Variants in KDM2A observed in about 807,000 individuals in gnomAD.
KDM2A encodes the protein lysine-specific demethylase 2A.
Under a neutral mutation model 137.3 loss-of-function variants are expected in KDM2A, and 3 were observed. The observed-to-expected ratio is 0.02, with a 90% CI of 0.01 to 0.06. The LOEUF is 0.06. KDM2A is among the 10% of genes least tolerant of loss of function. The probability of loss-of-function intolerance (pLI) is 1.00; values close to 1 mark genes in which losing one functional copy is unlikely to be tolerated. For missense variants in KDM2A, 738 were observed against 1,510.6 expected (o/e 0.49, Z 8.48); for synonymous variants, 512 against 541.5 (o/e 0.95, Z 0.76).
chr11:67,238,286 C>T (rs1858928471), intron 12 of KDM2A, among the ~76,000 whole-genome samples: 1 of 152,020 alleles, frequency 6.6e-6, no homozygotes, highest in South Asian at 2.1e-4. Flanking sequence ...TTCCTGGTGG[C>T]CTCTAGAATT....
At chr11:67,139,546 C>G (rs2136291975) in intron 2 of KDM2A, among the ~76,000 whole-genome samples, 1 of 151,328 alleles carries the variant, frequency 6.6e-6, no homozygotes, top group Non-Finnish European at 1.5e-5. Context: ...CACCCAGCCT[C>G]TTTTTGTTTT....
At chr11:67,141,765 C>A (rs898622801) in intron 2 of KDM2A, among the ~76,000 whole-genome samples, 1 of 149,492 alleles carries the variant, frequency 6.7e-6, no homozygotes, top group Non-Finnish European at 1.5e-5. Context: ...AGAACTTATT[C>A]CTTCTAACTG....
intron 5 of KDM2A, among the ~76,000 whole-genome samples, chr11:67,201,942 G>A (rs916764297): frequency 5.9e-5 from 9 of 151,986 alleles, no homozygotes; most frequent in African/African-American, 2.2e-4. Context: ...GCATGAGAGT[G>A]AGACCCTGTC....
In KDM2A at chr11:67,198,306, C is replaced by T. The variant is rs79953595; in HGVS notation, c.308-9204C>T. ...GCGCACCTCATTTTATTGCACTTTG[C>T]AGATAGTGTATTTTTTTTTTTTTTT... On this transcript the variant is annotated intron_variant, in intron 5 of 20. Transcript: ENST00000529006. Among the ~76,000 whole-genome samples, 839 of 150,442 alleles carry T rather than the reference C, an allele frequency of 5.6e-3. 3 individuals are homozygous for T. Among genetic ancestry groups the T allele is most frequent in the African/African-American group, 0.02 (819 of 40,640 alleles).
intron 5 of KDM2A, among the ~76,000 whole-genome samples, chr11:67,200,819 C>T (rs1051967720): frequency 2.6e-5 from 4 of 152,070 alleles, no homozygotes; most frequent in Non-Finnish European, 4.4e-5. Flanking sequence ...AGATTAATAC[C>T]GTTTTCATGC....
chr11:67,227,993 T>G, intron 10 of KDM2A, 44 bp from the exon 11 acceptor site: 1 of 1,582,192 alleles, frequency 6.3e-7, no homozygotes, highest in Non-Finnish European at 8.7e-7. Context: ...TGTACTCTCT[T>G]TCCTTGAAAA....
rs1382229051 is a variant in KDM2A at position 67,119,754 on chromosome 11, C to G, written c.-379C>G. 6.7e-6 allele frequency: 1 copy of G among 150,266 alleles called. No homozygotes were observed. Among genetic ancestry groups the G allele is most frequent in the East Asian group, 2.0e-4 (1 of 5,120 alleles). 9.3% of individuals were successfully genotyped at this position (150,266 alleles called of 1,614,324 possible). ...GCGCTCCCTGCGGCCGGGGCCGGCC[C>G]GGGGCTCGGGCCCGGGCTGCTGACC... is the stretch of plus-strand genomic sequence containing the variant. On this transcript the variant is annotated 5_prime_UTR_variant, in exon 1 of 21. Transcript: ENST00000529006.
At chr11:67,160,164 A>G (rs1441340250) in intron 2 of KDM2A, among the ~76,000 whole-genome samples, 1 of 152,146 alleles carries the variant, frequency 6.6e-6, no homozygotes, top group Admixed American at 6.5e-5. Flanking sequence ...TCTTCCTGAA[A>G]TAAAATTCTA....
intron 2 of KDM2A, among the ~76,000 whole-genome samples, chr11:67,142,568 T>G (rs2136296031): frequency 2.0e-5 from 1 of 49,564 alleles, no homozygotes; most frequent in Non-Finnish European, 4.1e-5. Context: ...GGGGTTGGGG[T>G]TGGGGTTGGG....
chr11:67,215,393 C>T lies in KDM2A; in HGVS notation c.540C>T (p.Ser180=), dbSNP rs1426137490. 2 of 1,613,750 alleles carry T rather than the reference C, an allele frequency of 1.2e-6. No individual in the cohort carries two copies. The highest frequency in any genetic ancestry group is 2.7e-5 in the African/African-American group (2 of 75,042). ...TGTGGCCAAGGCACTTGAAGGAAAG[C>T]CAGACTGAATCAACAAATGCCATCT... ...DNMWPRHLKE[S]QTESTNAILE... Residue 180 remains serine (S), a synonymous_variant, in exon 7 of 21, where the codon AGC becomes AGT. Transcript: ENST00000529006.
At chr11:67,225,141 C>A (rs1234388939) in intron 10 of KDM2A, among the ~76,000 whole-genome samples, 1 of 151,956 alleles carries the variant, frequency 6.6e-6, no homozygotes, top group Non-Finnish European at 1.5e-5. Flanking sequence ...GCAGCATTTA[C>A]CCCAAGATAA....
At chr11:67,154,249 T>C (rs936157966) in intron 2 of KDM2A, among the ~76,000 whole-genome samples, 2 of 152,158 alleles carry the variant, frequency 1.3e-5, no homozygotes, top group African/African-American at 4.8e-5. Flanking sequence ...CCAATAAGAA[T>C]GGTTTTTACG....
chr11:67,120,403 G>A (rs1855572758), intron 1 of KDM2A, among the ~76,000 whole-genome samples: 1 of 152,198 alleles, frequency 6.6e-6, no homozygotes, highest in African/African-American at 2.4e-5. Context: ...AAAACGGGGG[G>A]AACCTGTGTT....
At chr11:67,148,343 C>A (rs1297871655) in intron 2 of KDM2A, among the ~76,000 whole-genome samples, 1 of 151,936 alleles carries the variant, frequency 6.6e-6, no homozygotes, top group African/African-American at 2.4e-5. Context: ...GTCGCTTGAC[C>A]CCCGGAGGTT....
At chr11:67,220,007 A>G (rs1858293602) in intron 10 of KDM2A, among the ~76,000 whole-genome samples, 1 of 151,158 alleles carries the variant, frequency 6.6e-6, no homozygotes, top group African/African-American at 2.4e-5. Flanking sequence ...GGAAAAAGTA[A>G]CATTTTTTTC....
chr11:67,245,407 T>C lies in KDM2A; in HGVS notation c.1782T>C (p.Phe594=), dbSNP rs1158488927. The part of the protein sequence containing the change: ...VCHYCRDMKK[F]GGPGRMKQSC... ...ACTACTGCAGAGACATGAAGAAGTT[T>C]GGGGGGCCTGGACGCATGAAGCAGT... The change falls in exon 14 of 21, where the codon TTT becomes TTC. Residue 594 remains phenylalanine, a synonymous_variant. Transcript: ENST00000529006. This position sits in a 1 kb window ranked among gnomAD's most constrained non-coding sequence, Gnocchi z 4.1. 6.2e-7 allele frequency: 1 copy of C among 1,613,810 alleles called. No homozygotes were observed. The highest frequency in any genetic ancestry group is 2.2e-5 in the East Asian group (1 of 44,890).
intron 10 of KDM2A, 162 bp downstream of exon 10, chr11:67,219,565 T>A: frequency 4.8e-6 from 2 of 419,624 alleles, no homozygotes; most frequent in Non-Finnish European, 4.2e-6. Flanking sequence ...TTTAATTTTT[T>A]TTTTTTTAAG....
At chr11:67,246,855 A>C (rs762116623) in intron 15 of KDM2A, among the ~76,000 whole-genome samples, 3 of 151,642 alleles carry the variant, frequency 2.0e-5, no homozygotes, top group Non-Finnish European at 2.9e-5. Context: ...TTTGAATACT[A>C]TATAGTAGCA....
At chr11:67,211,613 C>CAAAAAAAAAAAAA (rs377116306) in intron 6 of KDM2A, among the ~76,000 whole-genome samples, 1 of 50,246 alleles carries the variant, frequency 2.0e-5, no homozygotes, top group African/African-American at 9.5e-5. Context: ...GACCCTGTCT[C>CAAAAAAAAAAAAA]AAAAAAAAAA....
Sources: allele counts gnomAD v4.1 joint callset (sites outside exome capture counted in the v4.1 genomes callset), GRCh38; gene constraint gnomAD v4.1.1; non-coding constraint Gnocchi (gnomAD v3.1); transcripts MANE v1.5; gene names NCBI Gene and HGNC (gene_info 2026-07-23, HGNC 2026-07-21).